Variants in DRC3 observed in about 807,000 individuals in gnomAD.
DRC3 encodes the protein dynein regulatory complex subunit 3.
A neutral mutation model predicts 57.6 loss-of-function variants in DRC3; 45 were observed. That is an observed-to-expected ratio of 0.78 (90% CI 0.62 to 1.00). The LOEUF (loss-of-function observed/expected upper bound fraction) is 1.00, where lower values mean the gene tolerates loss of function less well. DRC3 is among the 50% of genes least tolerant of loss of function. The pLI is 0.00. For missense variants in DRC3, 655 were observed against 675.2 expected (o/e 0.97, Z 0.33); for synonymous variants, 257 against 272.3 (o/e 0.94, Z 0.55).
chr17:18,003,484 TAAAAAAA>T (rs71155309), intron 9 of DRC3, among the ~76,000 whole-genome samples: 5 of 30,110 alleles, frequency 1.7e-4, no homozygotes, highest in African/African-American at 4.7e-4. Context: ...ACTACGTCTT[TAAAAAAA>T]AAAAAAAAAA....
chr17:17,983,336 C>G (rs2042801595), intron 3 of DRC3, among the ~76,000 whole-genome samples: 1 of 152,234 alleles, frequency 6.6e-6, no homozygotes, highest in Non-Finnish European at 1.5e-5. Flanking sequence ...AGGGCACTGA[C>G]TTTAAATATT....
At position 17,972,922 on chromosome 17, in the gene DRC3, AC is replaced by A. The variant is rs1213099864; in HGVS notation, c.-179del. 6.5e-6 allele frequency: 1 copy of A among 152,782 alleles called. No homozygotes were observed. Among genetic ancestry groups the A allele is most frequent in the Non-Finnish European group, 1.5e-5 (1 of 68,070 alleles). 9.5% of individuals were successfully genotyped at this position (152,782 alleles called of 1,614,324 possible). A position where few individuals can be genotyped will look rare whatever the true frequency, so the allele number is the denominator to read the frequency against. ...AGTCGCGGCGCTTGGTTCCCCAGCAACCGGGAGACGCGTCTGCTGCGTGGAA... is the reference window on the plus strand; with the variant it reads ...AGTCGCGGCGCTTGGTTCCCCAGCAACGGGAGACGCGTCTGCTGCGTGGAA... On this transcript the variant is annotated 5_prime_UTR_variant, in exon 1 of 14. Transcript: ENST00000399187.
rs905125937 is a variant in DRC3 at position 18,016,134 on chromosome 17, A to G, written c.1397A>G (p.Asp466Gly). 13 of 1,613,860 alleles carry G rather than the reference A, an allele frequency of 8.1e-6. No individual in the cohort carries two copies. The highest frequency in any genetic ancestry group is 1.1e-5 in the Non-Finnish European group (13 of 1,179,882). The stretch of plus-strand genomic sequence containing the variant: ...CACGACATCCACCTCCTGAAGATTG[A>G]CAATCGAGAAGATGAGCTGGTGACC... Reference protein sequence around the residue: ...ASHDIHLLKIDNREDELVTRI... With the variant: ...ASHDIHLLKIGNREDELVTRI... Residue 466 changes from aspartate (D) to glycine (G), a missense_variant, in exon 13 of 14, where the codon GAC becomes GGC. Transcript: ENST00000399187.
At chr17:17,979,866 G>C (rs1268336303) in intron 3 of DRC3, among the ~76,000 whole-genome samples, 1 of 151,976 alleles carries the variant, frequency 6.6e-6, no homozygotes, top group East Asian at 1.9e-4. Context: ...CACAAACAGG[G>C]AGCTGAAGAA....
intron 3 of DRC3, among the ~76,000 whole-genome samples, chr17:17,979,204 C>T (rs1020965150): frequency 7.9e-5 from 12 of 152,192 alleles, no homozygotes; most frequent in East Asian, 1.9e-4. Flanking sequence ...GGCTGGACCC[C>T]GCCTTATCAT....
intron 7 of DRC3, among the ~76,000 whole-genome samples, chr17:17,994,715 C>T (rs1480178551): frequency 1.3e-5 from 2 of 152,210 alleles, no homozygotes; most frequent in African/African-American, 2.4e-5. Context: ...GGCAGTTCCC[C>T]ATGACATGCC....
At chr17:18,012,772 G>T (rs537097498) in intron 12 of DRC3, among the ~76,000 whole-genome samples, 2 of 151,484 alleles carry the variant, frequency 1.3e-5, no homozygotes, top group African/African-American at 4.8e-5. Context: ...AAAATTTTAT[G>T]AATAAGACCT....
At chr17:18,004,550 A>G in intron 10 of DRC3, 56 bp downstream of exon 10, 1 of 1,576,354 alleles carries the variant, frequency 6.3e-7, no homozygotes. Context: ...CTGCACATCC[A>G]TAGGTGAACT....
chr17:18,012,334 T>C (rs908424808), intron 12 of DRC3, among the ~76,000 whole-genome samples: 2 of 152,150 alleles, frequency 1.3e-5, no homozygotes, highest in Non-Finnish European at 1.5e-5. Context: ...TAGATTCCCA[T>C]CTCTCACTCT....
Position 18,013,587 on chromosome 17 carries a change from A to AG in DRC3, c.1327-2476dup, listed in dbSNP as rs2044245004. Among the ~76,000 whole-genome samples, 3 of 152,348 alleles carry AG rather than the reference A, an allele frequency of 2.0e-5. No individual in the cohort carries two copies. The South Asian group carries it at 6.2e-4, about 32-fold the overall frequency. On this transcript the variant is annotated intron_variant, in intron 12 of 13. Transcript: ENST00000399187. ...CTCACTCATATGCCGAAGCTAAAAA[A>AG]GTTGATCTCATAGAAGTAAAAACAA...
At chr17:17,988,203 A>T in intron 5 of DRC3, 105 bp downstream of exon 5, 1 of 1,201,690 alleles carries the variant, frequency 8.3e-7, no homozygotes, top group South Asian at 1.5e-5. Flanking sequence ...GAGTGTTCAG[A>T]TCTTCTCATT....
intron 12 of DRC3, among the ~76,000 whole-genome samples, chr17:18,012,686 GA>G (rs372769732): frequency 5.2e-4 from 69 of 132,258 alleles, no homozygotes; most frequent in Admixed American, 1.1e-3. Context: ...TGTCTCAGAA[GA>G]AAAAAAAAAA....
At chr17:17,999,121 C>T (rs2043584582) in intron 9 of DRC3, among the ~76,000 whole-genome samples, 1 of 152,192 alleles carries the variant, frequency 6.6e-6, no homozygotes, top group African/African-American at 2.4e-5. Context: ...GGGACCCAGC[C>T]CCTCAGCAGC....
intron 3 of DRC3, among the ~76,000 whole-genome samples, chr17:17,982,863 T>G (rs1051884348): frequency 6.6e-6 from 1 of 152,222 alleles, no homozygotes; most frequent in Non-Finnish European, 1.5e-5. Flanking sequence ...CGTGAGCCAC[T>G]GCGCCCATCC....
intron 5 of DRC3, among the ~76,000 whole-genome samples, chr17:17,990,214 G>A (rs1436360194): frequency 6.6e-6 from 1 of 152,158 alleles, no homozygotes; most frequent in African/African-American, 2.4e-5. Context: ...GCTGGGTGAC[G>A]GCCAGGCTGG....
chr17:18,003,461 G>T (rs1228337980), intron 9 of DRC3, among the ~76,000 whole-genome samples: 2 of 137,362 alleles, frequency 1.5e-5, no homozygotes, highest in African/African-American at 5.6e-5. Flanking sequence ...TCCAGCCTGG[G>T]TGACAGAGTG....
chr17:17,986,637 A>G (rs1236625214), intron 4 of DRC3, among the ~76,000 whole-genome samples: 1 of 151,820 alleles, frequency 6.6e-6, no homozygotes, highest in Non-Finnish European at 1.5e-5. Context: ...TAATTTTTGT[A>G]TTTTTAGTAG....
At chr17:17,992,280 A>G (rs1329216124) in intron 5 of DRC3, among the ~76,000 whole-genome samples, 1 of 152,266 alleles carries the variant, frequency 6.6e-6, no homozygotes, top group Non-Finnish European at 1.5e-5. Context: ...ATCTCAAAAA[A>G]TAAAATTAAG....
chr17:17,985,002 C>G (rs1301932501), intron 4 of DRC3, among the ~76,000 whole-genome samples: 1 of 152,110 alleles, frequency 6.6e-6, no homozygotes, highest in Non-Finnish European at 1.5e-5. Flanking sequence ...CAGCCAGGTC[C>G]TCTCACACCT....
Sources: gnomAD v4.1 joint callset for allele counts (sites outside exome capture counted in the v4.1 genomes callset) on GRCh38, gnomAD v4.1.1 for gene constraint, MANE v1.5 for transcripts, NCBI Gene and HGNC (gene_info 2026-07-23, HGNC 2026-07-21) for gene names.